USP34: variants seen among roughly 807,000 people sequenced by gnomAD.
USP34 encodes the protein ubiquitin specific peptidase 34.
USP34 carries 70 observed loss-of-function variants against 460.3 expected under a neutral mutation model. That is an observed-to-expected ratio of 0.15 (90% CI 0.13 to 0.19). USP34 has a LOEUF of 0.19. Ranked by LOEUF, USP34 falls within the 10% of genes least tolerant of loss-of-function variation. The probability of loss-of-function intolerance (pLI) is 1.00; values close to 1 mark genes in which losing one functional copy is unlikely to be tolerated. For synonymous variants in USP34, 1,647 were observed against 1,405.3 expected, an observed-to-expected ratio of 1.17 and a Z score of -3.85; for missense variants, 3,985 against 4,236.2, an observed-to-expected ratio of 0.94 and a Z score of 1.65.
intron 5 of USP34, 85 bp from the exon 6 acceptor site, chr2:61,383,421 T>C (rs556916906): frequency 2.2e-5 from 24 of 1,087,060 alleles, no homozygotes; most frequent in South Asian, 1.1e-4. Context: ...AACAAGAGCA[T>C]TGGCCAGGCA....
intron 57 of USP34, among the ~76,000 whole-genome samples, chr2:61,235,280 T>C (rs1303862942): frequency 6.6e-6 from 1 of 151,986 alleles, no homozygotes; most frequent in African/African-American, 2.4e-5. Flanking sequence ...GAATTTTCTA[T>C]ACATAGTTTT....
At chr2:61,240,799 C>G (rs1688233671) in intron 53 of USP34, among the ~76,000 whole-genome samples, 1 of 151,874 alleles carries the variant, frequency 6.6e-6, no homozygotes, top group Middle Eastern at 3.2e-3. Flanking sequence ...GTCTCAAACT[C>G]CTGGCCTCAC....
At position 61,395,187 on chromosome 2, in the gene USP34, A is replaced by G. The variant is rs1159884463; in HGVS notation, c.599T>C (p.Met200Thr). ...ATAAAAAAGGTAAACACTTACATTC[A>G]TATCACAGAATGCCCCTAATATGTT... ...ESNILGAFCD[M>T]NDVEVPLHLL... Residue 200 changes from methionine to threonine, a missense_variant, in exon 4 of 80, where the codon ATG (methionine) becomes ACG (threonine). Met to Thr is a moderately conservative substitution (Grantham distance 81). Coordinates refer to ENST00000398571, the MANE Select transcript of USP34 (RefSeq NM_014709.4). 4.7e-6 allele frequency: 7 copies of G among 1,501,578 alleles called. No homozygotes were observed. Among genetic ancestry groups the G allele is most frequent in the Non-Finnish European group, 5.5e-6 (6 of 1,098,120 alleles). The allele number at this position is 1,501,578 out of a possible 1,614,324, so 93.0% of individuals were successfully genotyped here. A position where few individuals can be genotyped will look rare whatever the true frequency, so the allele number is the denominator to read the frequency against.
chr2:61,211,808 C>T lies in USP34; in HGVS notation c.8804G>A (p.Cys2935Tyr), dbSNP rs1687279868. ...KKTTISCYLR[C>Y]LDGRSCWTTL... ...AGTCCAGCAGGAGCGGCCATCTAAG[C>T]AACGTAAGTAACAACTTATGGTTGT... The change falls in exon 69 of 80, where the codon TGC (cysteine) becomes TAC (tyrosine). Residue 2935 changes from cysteine (C) to tyrosine (Y), a missense_variant. Cys to Tyr is a radical substitution (Grantham distance 194, BLOSUM62 -2). Around this residue, in one of 14 missense-constraint regions of USP34, gnomAD observed 275 missense variants for 292.7 expected, o/e 0.94. Coordinates refer to ENST00000398571, the MANE Select transcript of USP34 (RefSeq NM_014709.4). 6.3e-7 allele frequency: 1 copy of T among 1,594,542 alleles called. No homozygotes were observed. The highest frequency in any genetic ancestry group is 1.8e-5 in the Admixed American group (1 of 55,116).
chr2:61,318,202 A>C (rs1231072567), intron 22 of USP34, among the ~76,000 whole-genome samples: 1 of 151,846 alleles, frequency 6.6e-6, no homozygotes, highest in Non-Finnish European at 1.5e-5. Context: ...AAAAAAAAAA[A>C]AAAAATGAAA....
intron 3 of USP34, 44 bp from the exon 4 acceptor site, chr2:61,395,277 TAACC>T: frequency 8.7e-7 from 1 of 1,143,808 alleles, no homozygotes. Context: ...TTACAACTAC[TAACC>T]TTTAAAAAAT....
chr2:61,293,377 T>G (rs1220044420), intron 33 of USP34, 87 bp downstream of exon 33: 1 of 981,574 alleles, frequency 1.0e-6, no homozygotes. Context: ...AGGAACTATA[T>G]GGCAAAAGCT....
intron 1 of USP34, among the ~76,000 whole-genome samples, chr2:61,430,214 CAAA>C (rs1232126412): frequency 6.4e-5 from 5 of 78,122 alleles, no homozygotes; most frequent in Non-Finnish European, 2.7e-5. Flanking sequence ...GTCTTCGTCA[CAAA>C]AAAAAAAAAA....
Position 61,470,739 on chromosome 2 carries a change from T to C in USP34, c.-47A>G, listed in dbSNP as rs756181524. 4.6e-6 allele frequency: 7 copies of C among 1,517,098 alleles called. No homozygotes were observed. Among genetic ancestry groups the C allele is most frequent in the Middle Eastern group, 2.0e-4 (1 of 5,100 alleles). The allele number at this position is 1,517,098 out of a possible 1,614,324, so 94.0% of individuals were successfully genotyped here. A position where few individuals can be genotyped will look rare whatever the true frequency, so the allele number is the denominator to read the frequency against. On this transcript the variant is annotated 5_prime_UTR_variant, in exon 1 of 80. Coordinates refer to ENST00000398571, the MANE Select transcript of USP34 (RefSeq NM_014709.4). ...CTCCCCCGCTTCGGATCACACTGACTGATCCCGACCGGCGGGGGGGAGGGG... is the reference window on the plus strand; with the variant it reads ...CTCCCCCGCTTCGGATCACACTGACCGATCCCGACCGGCGGGGGGGAGGGG...
intron 79 of USP34, 25 bp from the exon 80 acceptor site, chr2:61,188,734 A>C: frequency 6.2e-7 from 1 of 1,602,136 alleles, no homozygotes; most frequent in Non-Finnish European, 8.5e-7. Flanking sequence ...GCCAAAAGGG[A>C]AACTTCTCTG....
intron 69 of USP34, among the ~76,000 whole-genome samples, chr2:61,210,040 G>A (rs952380592): frequency 6.6e-6 from 1 of 151,728 alleles, no homozygotes; most frequent in African/African-American, 2.4e-5. Flanking sequence ...TGTGTTTTAA[G>A]TGCTACGATA....
intron 1 of USP34, among the ~76,000 whole-genome samples, chr2:61,452,135 C>A (rs1302713541): frequency 6.7e-6 from 1 of 149,548 alleles, no homozygotes; most frequent in Admixed American, 6.7e-5. Flanking sequence ...GATCATGCCA[C>A]TGCACTCCAG....
chr2:61,219,945 A>C (rs940399966), intron 67 of USP34, among the ~76,000 whole-genome samples: 1 of 151,966 alleles, frequency 6.6e-6, no homozygotes, highest in African/African-American at 2.4e-5. Flanking sequence ...TATATAACTC[A>C]TAATTTCAGC....
At chr2:61,308,052 A>G (rs1690468648) in intron 27 of USP34, among the ~76,000 whole-genome samples, 1 of 152,134 alleles carries the variant, frequency 6.6e-6, no homozygotes, top group Non-Finnish European at 1.5e-5. Flanking sequence ...CTGTCTCAAA[A>G]AAATAAATAA....
intron 5 of USP34, among the ~76,000 whole-genome samples, chr2:61,388,054 TCAG>T (rs1693221513): frequency 6.6e-6 from 1 of 151,456 alleles, no homozygotes; most frequent in Admixed American, 6.6e-5. Context: ...ATGCTTGAGC[TCAG>T]GAGTTTGAGA....
chr2:61,220,177 A>AAGG, intron 67 of USP34, 133 bp downstream of exon 67: 1 of 484,726 alleles, frequency 2.1e-6, no homozygotes, highest in Non-Finnish European at 3.1e-6. Context: ...AAAAAAAAAA[A>AAGG]AAAAAGGAAA....
At chr2:61,365,294 T>TACACACACACACAC (rs1255160949) in intron 10 of USP34, among the ~76,000 whole-genome samples, 1 of 109,756 alleles carries the variant, frequency 9.1e-6, no homozygotes, top group African/African-American at 3.9e-5. Context: ...CACACACACG[T>TACACACACACACAC]GTGTTTATTT....
chr2:61,342,862 G>A (rs1691649590), intron 16 of USP34, among the ~76,000 whole-genome samples: 2 of 152,136 alleles, frequency 1.3e-5, no homozygotes, highest in Admixed American at 6.5e-5. Flanking sequence ...TTGATTAAAG[G>A]AAAATTTGAG....
chr2:61,396,520 G>A (rs927418811), intron 3 of USP34, among the ~76,000 whole-genome samples: 13 of 148,522 alleles, frequency 8.8e-5, no homozygotes, highest in Non-Finnish European at 1.3e-4. Context: ...ACGGAGTCTC[G>A]CACTGTCGCT....
Sources: gnomAD v4.1 joint callset for allele counts (sites outside exome capture counted in the v4.1 genomes callset) on GRCh38, gnomAD v4.1.1 for gene constraint, gnomAD v4.1.1 regional missense constraint, MANE v1.5 for transcripts, NCBI Gene and HGNC (gene_info 2026-07-23, HGNC 2026-07-21) for gene names.